The following POC1B variants were observed in gnomAD, a reference collection of about 807,000 sequenced individuals.
POC1B encodes POC1 centriolar protein homolog B.
Under a neutral mutation model 60.6 loss-of-function variants are expected in POC1B, and 44 were observed. The ratio of observed to expected loss-of-function variants is 0.73; its 90% CI spans 0.57 to 0.93. The LOEUF (loss-of-function observed/expected upper bound fraction) is 0.93, where lower values mean the gene tolerates loss of function less well. Among genes scored for constraint, POC1B ranks in the 40% least tolerant of loss-of-function variants. The probability of loss-of-function intolerance (pLI) is 0.00; values close to 1 mark genes in which losing one functional copy is unlikely to be tolerated. For synonymous variants in POC1B, 180 were observed against 198.9 expected (o/e 0.90, Z 0.80); for missense variants, 555 against 572.3 (o/e 0.97, Z 0.31).
intron 2 of POC1B, among the ~76,000 whole-genome samples, chr12:89,499,666 G>A (rs1869446559): frequency 6.6e-6 from 1 of 152,034 alleles, no homozygotes; most frequent in South Asian, 2.1e-4. Flanking sequence ...ATTATGGAAA[G>A]AAATAAAAAA....
chr12:89,498,601 T>A (rs115432917), intron 2 of POC1B, among the ~76,000 whole-genome samples: 398 of 152,348 alleles, frequency 2.6e-3, no homozygotes, highest in African/African-American at 9.0e-3. Flanking sequence ...ATTATTTCCA[T>A]GTAAAACAGT....
intron 2 of POC1B, among the ~76,000 whole-genome samples, chr12:89,508,510 A>C (rs1255168685): frequency 2.0e-5 from 3 of 152,236 alleles, no homozygotes; most frequent in Non-Finnish European, 4.4e-5. Context: ...TAGGGTGCAC[A>C]TGATGTCTCT....
intron 2 of POC1B, chr12:89,523,717 A>G (rs2135780830): frequency 6.5e-7 from 1 of 1,548,068 alleles, no homozygotes; most frequent in East Asian, 2.2e-5. Flanking sequence ...ACGCCAGTCA[A>G]ACCCACCAAT....
chr12:89,511,260 T>A (rs1206276686), intron 2 of POC1B, among the ~76,000 whole-genome samples: 1 of 151,440 alleles, frequency 6.6e-6, no homozygotes, highest in Non-Finnish European at 1.5e-5. Context: ...CCATCTCTAC[T>A]AAAAATGCAA....
chr12:89,473,279 G>A (rs937898774), intron 4 of POC1B, among the ~76,000 whole-genome samples: 1 of 152,190 alleles, frequency 6.6e-6, no homozygotes, highest in Non-Finnish European at 1.5e-5. Context: ...TCTTAAGGCT[G>A]ACCTAAAATT....
chr12:89,416,150 G>A (rs73450554), downstream of POC1B, among the ~76,000 whole-genome samples: 789 of 152,310 alleles, frequency 5.2e-3, 14 homozygotes, highest in African/African-American at 0.018. Context: ...AGATGACAAC[G>A]CCTGCCTTTT....
At chr12:89,509,914 T>G (rs574724730) in intron 2 of POC1B, among the ~76,000 whole-genome samples, 2 of 152,194 alleles carry the variant, frequency 1.3e-5, no homozygotes, top group Non-Finnish European at 2.9e-5. Flanking sequence ...GGGGCGATTT[T>G]GGCTCACTGC....
At chr12:89,523,749 A>G (rs1871144202) in intron 2 of POC1B, 1 of 1,543,874 alleles carries the variant, frequency 6.5e-7, no homozygotes, top group Non-Finnish European at 8.7e-7. Flanking sequence ...CTATCTGCAT[A>G]TAGAATTCAA....
chr12:89,425,181 GT>G lies in POC1B; in HGVS notation c.1311del (p.Glu437AspfsTer6). 6.2e-7 allele frequency: 1 copy of G among 1,614,126 alleles called. No individual in the cohort carries two copies. Among genetic ancestry groups the G allele is most frequent in the East Asian group, 2.2e-5 (1 of 44,886 alleles). ...AVTDALEHIM[E>X]QLNVLTQTVS... ...CCCACCTGTGTCAAAACATTGAGTTGTTCCATAATATGCTCTAAAGCATCAG... is the reference window on the plus strand; with the variant it reads ...CCCACCTGTGTCAAAACATTGAGTTGTCCATAATATGCTCTAAAGCATCAG... On this transcript the variant is annotated frameshift_variant, in exon 11 of 12. Transcript: ENST00000313546. LOFTEE classifies it high-confidence loss of function.
intron 2 of POC1B, chr12:89,500,628 A>T (rs1340038423): frequency 3.8e-6 from 6 of 1,591,452 alleles, no homozygotes; most frequent in Non-Finnish European, 5.2e-6. Flanking sequence ...TCTAGTGCCC[A>T]AAAGAGAGAG....
intron 10 of POC1B, among the ~76,000 whole-genome samples, chr12:89,440,909 C>G (rs947989228): frequency 6.6e-6 from 1 of 152,236 alleles, no homozygotes; most frequent in African/African-American, 2.4e-5. Context: ...TCAGGACACT[C>G]CCACCCTAAT....
chr12:89,403,417 C>A, the POC1B span, among the ~76,000 whole-genome samples: 1 of 152,050 alleles, frequency 6.6e-6, no homozygotes, highest in Non-Finnish European at 1.5e-5. Flanking sequence ...TGAAATCAAC[C>A]CTCAAGGTAA....
At position 89,476,751 on chromosome 12, in the gene POC1B, T is replaced by TAGACAGACAGACAGAC. The variant is rs765507189; in HGVS notation, c.453-4477_453-4476insGTCTGTCTGTCTGTCT. On this transcript the variant is annotated intron_variant, in intron 4 of 11. Coordinates refer to ENST00000313546, the MANE Select transcript of POC1B (RefSeq NM_172240.3). ...ATAGATAGATAGATAGATAGATAGA[T>TAGACAGACAGACAGAC]AGATAGATAGACAGACAGACAGACA... Among the ~76,000 whole-genome samples the TAGACAGACAGACAGAC allele has an allele frequency of 7.9e-4, 83 of 105,010 alleles. 1 individual carries two copies. Among genetic ancestry groups the TAGACAGACAGACAGAC allele is most frequent in the African/African-American group, 2.7e-3 (79 of 29,090 alleles). 68.9% of individuals were successfully genotyped at this position (105,010 alleles called of 152,430 possible).
Position 89,524,418 on chromosome 12 carries a change from C to A in POC1B, c.100+702G>T, listed in dbSNP as rs558401698. On this transcript the variant is annotated intron_variant, in intron 2 of 11. Transcript: ENST00000313546. ...GGAGGTCTGAGAGCCTTCTTGACCC[C>A]AGCTCCCTGGCACGGCCGGCTCCTG... The A allele has an allele frequency of 2.2e-5, 36 of 1,613,970 alleles. No homozygotes were observed. In the East Asian group the frequency reaches 5.8e-4, roughly 26 times the overall value.
chr12:89,462,222 G>C (rs549568791), intron 9 of POC1B, among the ~76,000 whole-genome samples: 82 of 152,182 alleles, frequency 5.4e-4, no homozygotes, highest in African/African-American at 1.9e-3. Flanking sequence ...ATATGCTGAG[G>C]GGGTGATATG....
At chr12:89,486,916 GACAC>G (rs60433981) in intron 4 of POC1B, among the ~76,000 whole-genome samples, 40 of 148,776 alleles carry the variant, frequency 2.7e-4, no homozygotes, top group African/African-American at 4.7e-4. Flanking sequence ...CACACACACA[GACAC>G]ACACACACAC....
chr12:89,463,275 A>C (rs1027811769), intron 9 of POC1B, among the ~76,000 whole-genome samples: 1 of 152,238 alleles, frequency 6.6e-6, no homozygotes. Flanking sequence ...AACCAATTAT[A>C]ATCCCTGCTT....
intron 4 of POC1B, among the ~76,000 whole-genome samples, chr12:89,485,905 A>C (rs1357426181): frequency 2.0e-5 from 3 of 152,174 alleles, no homozygotes; most frequent in Non-Finnish European, 4.4e-5. Context: ...AGTGCTTCTC[A>C]GATCATATCT....
At chr12:89,461,528 A>G (rs1201775456) in intron 9 of POC1B, 1 of 152,212 alleles carries the variant, frequency 6.6e-6, no homozygotes, top group Non-Finnish European at 1.5e-5. Context: ...TACATTAGGG[A>G]CGGCAGTGAG....
Sources: gnomAD v4.1 joint callset for allele counts (sites outside exome capture counted in the v4.1 genomes callset) on GRCh38, gnomAD v4.1.1 for gene constraint, MANE v1.5 for transcripts, NCBI Gene and HGNC (gene_info 2026-07-23, HGNC 2026-07-21) for gene names.